The following CDKAL1 variants were observed in gnomAD, a reference collection of about 807,000 sequenced individuals.
CDKAL1 encodes the protein threonylcarbamoyladenosine tRNA methylthiotransferase.
CDKAL1 carries 32 observed loss-of-function variants against 68.2 expected under a neutral mutation model. The ratio of observed to expected loss-of-function variants is 0.47; its 90% confidence interval spans 0.35 to 0.63. The LOEUF (loss-of-function observed/expected upper bound fraction) is 0.63. Among genes scored for constraint, CDKAL1 ranks in the 30% least tolerant of loss-of-function variants. The probability of loss-of-function intolerance (pLI) is 0.00; values close to 1 mark genes in which losing one functional copy is unlikely to be tolerated. For missense variants in CDKAL1, 606 were observed against 696.7 expected, an observed-to-expected ratio of 0.87 and a Z score of 1.47; for synonymous variants, 234 against 244.3, an observed-to-expected ratio of 0.96 and a Z score of 0.39.
intron 6 of CDKAL1, among the ~76,000 whole-genome samples, chr6:20,741,539 C>T (rs970127623): frequency 6.6e-6 from 1 of 152,064 alleles, no homozygotes; most frequent in Non-Finnish European, 1.5e-5. Context: ...TCATGTAGCT[C>T]CCACTTAAAA....
chr6:20,940,107 A>G (rs986108780), intron 9 of CDKAL1, among the ~76,000 whole-genome samples: 1 of 152,198 alleles, frequency 6.6e-6, no homozygotes, highest in East Asian at 1.9e-4. Flanking sequence ...ACTTAAAGAT[A>G]ATACACAAAA....
chr6:20,684,535 G>A (rs565951986), intron 5 of CDKAL1, among the ~76,000 whole-genome samples: 16 of 152,326 alleles, frequency 1.1e-4, no homozygotes, highest in Non-Finnish European at 1.0e-4. Flanking sequence ...GCAAAAGGAA[G>A]GTAATTGCTA....
intron 13 of CDKAL1, among the ~76,000 whole-genome samples, chr6:21,153,468 A>G (rs185273644): frequency 7.9e-5 from 12 of 152,284 alleles, no homozygotes; most frequent in Admixed American, 7.8e-4. Context: ...CTTAATCATA[A>G]TGTAGGCTGT....
At chr6:21,006,905 C>T (rs1034781806) in intron 11 of CDKAL1, among the ~76,000 whole-genome samples, 1 of 152,104 alleles carries the variant, frequency 6.6e-6, no homozygotes, top group Non-Finnish European at 1.5e-5. Context: ...CAGAAATCAT[C>T]GTCTCTTAAT....
intron 12 of CDKAL1, among the ~76,000 whole-genome samples, chr6:21,098,040 CTAT>C (rs762669624): frequency 1.5e-4 from 23 of 152,192 alleles, no homozygotes; most frequent in Non-Finnish European, 2.9e-5. Context: ...TTTGAAAGCT[CTAT>C]TGAGTTCAGT....
chr6:20,590,801 G>T (rs1283634270), intron 4 of CDKAL1, among the ~76,000 whole-genome samples: 1 of 152,164 alleles, frequency 6.6e-6, no homozygotes, highest in Non-Finnish European at 1.5e-5. Flanking sequence ...ATTGTGAAAA[G>T]TGCTGCAATA....
rs1215568312 is a variant in CDKAL1, at chr6:20,926,835, A to T, written c.743-28584A>T. ...AAGTGAGACTTCTTGAGAAATGGAA[A>T]ATCAATTTCATACCCTTTCAGTAGG... On this transcript the variant is annotated intron_variant, in intron 9 of 15. Coordinates refer to ENST00000274695, the MANE Select transcript of CDKAL1 (RefSeq NM_017774.3). Among the ~76,000 whole-genome samples the T allele has an allele frequency of 4.6e-5, 7 of 151,240 alleles. No individual in the cohort carries two copies. In the East Asian group the frequency reaches 1.2e-3, roughly 25 times the overall value.
chr6:20,720,518 T>A (rs1241554210), intron 5 of CDKAL1, among the ~76,000 whole-genome samples: 1 of 152,192 alleles, frequency 6.6e-6, no homozygotes, highest in Non-Finnish European at 1.5e-5. Flanking sequence ...GTTATCTGTC[T>A]TTCTTTACTC....
chr6:20,603,350 C>CAAT, intron 4 of CDKAL1, among the ~76,000 whole-genome samples: 1 of 152,138 alleles, frequency 6.6e-6, no homozygotes, highest in East Asian at 1.9e-4. Context: ...GAACAAGCAG[C>CAAT]AGCTATCTGT....
intron 4 of CDKAL1, among the ~76,000 whole-genome samples, chr6:20,644,461 A>C (rs980329635): frequency 1.3e-5 from 2 of 152,120 alleles, no homozygotes; most frequent in Non-Finnish European, 2.9e-5. Flanking sequence ...GCGGATCACG[A>C]GATCAGGAGA....
At chr6:20,758,669 G>T (rs767109304) in intron 7 of CDKAL1, 26 bp downstream of exon 7, 1 of 1,572,170 alleles carries the variant, frequency 6.4e-7, no homozygotes, top group South Asian at 1.1e-5. Flanking sequence ...GAGATAAACA[G>T]ATGTATATAT....
chr6:20,994,466 G>A (rs1766998892), intron 10 of CDKAL1, among the ~76,000 whole-genome samples: 1 of 152,150 alleles, frequency 6.6e-6, no homozygotes, highest in Admixed American at 6.5e-5. Context: ...GTGACAGAGT[G>A]AGATGAAAAG....
chr6:20,610,863 G>A (rs763077658), intron 4 of CDKAL1, among the ~76,000 whole-genome samples: 1 of 152,142 alleles, frequency 6.6e-6, no homozygotes, highest in Non-Finnish European at 1.5e-5. Flanking sequence ...TCTAGTTTTT[G>A]AAACTTTAAA....
At chr6:20,541,777 C>T (rs1763398292) in intron 2 of CDKAL1, among the ~76,000 whole-genome samples, 1 of 152,196 alleles carries the variant, frequency 6.6e-6, no homozygotes, top group South Asian at 2.1e-4. Context: ...TCTCCTGTCT[C>T]AGCCTCCTGA....
intron 9 of CDKAL1, among the ~76,000 whole-genome samples, chr6:20,873,273 T>C (rs1760319701): frequency 6.6e-6 from 1 of 152,160 alleles, no homozygotes; most frequent in Non-Finnish European, 1.5e-5. Context: ...GTGATAAGAA[T>C]TACCTAGGAA....
intron 12 of CDKAL1, among the ~76,000 whole-genome samples, chr6:21,094,708 A>G (rs1773231035): frequency 6.6e-6 from 1 of 152,274 alleles, no homozygotes; most frequent in Admixed American, 6.5e-5. Flanking sequence ...GAAGAAGCCA[A>G]TAGATCCAGA....
chr6:20,663,698 T>G (rs1769395703), intron 5 of CDKAL1, among the ~76,000 whole-genome samples: 1 of 152,090 alleles, frequency 6.6e-6, no homozygotes, highest in Admixed American at 6.6e-5. Flanking sequence ...TGTTTTTCAT[T>G]GTTCTGAGAT....
chr6:21,079,706 A>T (rs6917272), intron 12 of CDKAL1, among the ~76,000 whole-genome samples: 137,670 of 152,244 alleles, frequency 0.9, 62,383 homozygotes, highest in East Asian at 0.99. Flanking sequence ...GCCTTTTGCT[A>T]CAGCTGGTGC....
intron 4 of CDKAL1, among the ~76,000 whole-genome samples, chr6:20,600,116 T>C (rs1238017986): frequency 6.6e-6 from 1 of 152,184 alleles, no homozygotes; most frequent in East Asian, 1.9e-4. Flanking sequence ...ATATTAATTT[T>C]GTGCACTTTA....
Sources: gnomAD v4.1 joint callset for allele counts (sites outside exome capture counted in the v4.1 genomes callset) on GRCh38, gnomAD v4.1.1 for gene constraint, MANE v1.5 for transcripts, NCBI Gene and HGNC (gene_info 2026-07-23, HGNC 2026-07-21) for gene names.